The following APP variants were observed in gnomAD, a reference collection of about 807,000 sequenced individuals.
APP encodes amyloid beta precursor protein, also known as amyloid-beta precursor protein.
A neutral mutation model predicts 101.4 loss-of-function variants in APP; 31 were observed. That is an observed-to-expected ratio of 0.31 (90% CI 0.23 to 0.41). The LOEUF is 0.41. Ranked by LOEUF, APP falls within the 10% of genes least tolerant of loss-of-function variation. The pLI, the probability that APP is intolerant of heterozygous loss-of-function variation, is 1.00. For missense variants in APP, 839 were observed against 1,003.7 expected (o/e 0.84, Z 2.22); for synonymous variants, 366 against 364.4 (o/e 1.00, Z -0.05).
intron 6 of APP, among the ~76,000 whole-genome samples, chr21:26,014,568 C>A (rs906915004): frequency 1.3e-5 from 2 of 152,138 alleles, no homozygotes; most frequent in African/African-American, 2.4e-5. Context: ...GCCAAAATTC[C>A]TTCCTAGGCA....
chr21:26,027,513 C>T (rs1056603809), intron 5 of APP, among the ~76,000 whole-genome samples: 4 of 152,124 alleles, frequency 2.6e-5, no homozygotes, highest in African/African-American at 9.7e-5. Flanking sequence ...AAGAAATAGC[C>T]AGTACTTCTC....
intron 3 of APP, among the ~76,000 whole-genome samples, chr21:26,085,382 GTCATCATTC>G (rs1290344687): frequency 6.6e-6 from 1 of 152,066 alleles, no homozygotes; most frequent in Non-Finnish European, 1.5e-5. Flanking sequence ...GAATGATGAA[GTCATCATTC>G]TCATCACAGT....
chr21:25,912,092 T>A (rs1569045160), intron 13 of APP, 130 bp from the exon 14 acceptor site: 1 of 742,152 alleles, frequency 1.3e-6, no homozygotes, highest in Non-Finnish European at 2.4e-6. Context: ...TTTAGAGCCA[T>A]GACATAGGTA....
At chr21:26,047,945 T>G (rs2045677923) in intron 5 of APP, among the ~76,000 whole-genome samples, 1 of 152,240 alleles carries the variant, frequency 6.6e-6, no homozygotes, top group Non-Finnish European at 1.5e-5. Flanking sequence ...ATATTTCAGA[T>G]ATACTGGATT....
chr21:26,005,179 C>T (rs369293538), intron 6 of APP, among the ~76,000 whole-genome samples: 1 of 152,000 alleles, frequency 6.6e-6, no homozygotes, highest in Non-Finnish European at 1.5e-5. Flanking sequence ...TTTGGGAGGC[C>T]GAGGTGGGCA....
At chr21:25,956,166 AATCCC>A (rs1426429150) in intron 11 of APP, among the ~76,000 whole-genome samples, 1 of 152,248 alleles carries the variant, frequency 6.6e-6, no homozygotes, top group Non-Finnish European at 1.5e-5. Flanking sequence ...TCACACAGAT[AATCCC>A]ATCACCAGTA....
chr21:25,995,079 A>C (rs1013139795), intron 8 of APP, among the ~76,000 whole-genome samples: 2 of 151,610 alleles, frequency 1.3e-5, no homozygotes, highest in Non-Finnish European at 2.9e-5. Flanking sequence ...AGAAAATTAC[A>C]AAAGAGACTT....
At chr21:26,039,686 A>G (rs2045284980) in intron 5 of APP, among the ~76,000 whole-genome samples, 1 of 152,234 alleles carries the variant, frequency 6.6e-6, no homozygotes, top group South Asian at 2.1e-4. Context: ...AACATTCATC[A>G]GTTGCACCTT....
intron 1 of APP, among the ~76,000 whole-genome samples, chr21:26,164,105 C>T (rs1045645131): frequency 2.6e-5 from 4 of 152,248 alleles, no homozygotes; most frequent in African/African-American, 9.6e-5. Flanking sequence ...ATTAGCTGGG[C>T]ATAGTGGCAC....
At chr21:26,029,201 C>A (rs2044712386) in intron 5 of APP, among the ~76,000 whole-genome samples, 1 of 152,164 alleles carries the variant, frequency 6.6e-6, no homozygotes, top group Admixed American at 6.5e-5. Context: ...ACATTTCTTA[C>A]AGCAACTGGA....
At chr21:26,004,146 C>T (rs2043410012) in intron 6 of APP, among the ~76,000 whole-genome samples, 1 of 152,164 alleles carries the variant, frequency 6.6e-6, no homozygotes, top group South Asian at 2.1e-4. Flanking sequence ...TGGCCAGTGC[C>T]TCTCAGAAGT....
chr21:26,095,997 T>C (rs1295966687), intron 2 of APP, among the ~76,000 whole-genome samples: 1 of 152,214 alleles, frequency 6.6e-6, no homozygotes. Flanking sequence ...CTCTGTCAGC[T>C]AGTAGAAAAA....
At chr21:25,884,738 A>G (rs1329229401) in intron 17 of APP, among the ~76,000 whole-genome samples, 1 of 152,206 alleles carries the variant, frequency 6.6e-6, no homozygotes, top group African/African-American at 2.4e-5. Flanking sequence ...CAAAGCTGCT[A>G]TGTTTCTGAT....
At chr21:26,145,648 T>A (rs1569030087) in intron 1 of APP, among the ~76,000 whole-genome samples, 1 of 152,180 alleles carries the variant, frequency 6.6e-6, no homozygotes, top group Non-Finnish European at 1.5e-5. Context: ...CAAAAGGTGA[T>A]AATATACAAA....
At chr21:26,143,567 T>C (rs1230088695) in intron 1 of APP, among the ~76,000 whole-genome samples, 1 of 152,240 alleles carries the variant, frequency 6.6e-6, no homozygotes, top group Non-Finnish European at 1.5e-5. Context: ...TTGTTCTGTG[T>C]GGTAAGAATA....
chr21:26,145,766 C>G (rs1165744126), intron 1 of APP, among the ~76,000 whole-genome samples: 1 of 146,554 alleles, frequency 6.8e-6, no homozygotes, highest in African/African-American at 2.7e-5. Context: ...TATAAATTTT[C>G]TGTTTTTTAT....
Position 26,031,075 on chromosome 21 carries a change from G to C in APP, c.663-9033C>G, listed in dbSNP as rs11909527. ...GAAAATGAAAGCAGCAAAGCTAGGG[G>C]TGGGCTGGGGCTGGTAGTTGGCCGG... On this transcript the variant is annotated intron_variant, in intron 5 of 17. Transcript: ENST00000346798. Among the ~76,000 whole-genome samples, 8 of 152,194 alleles carry C rather than the reference G, an allele frequency of 5.3e-5. No individual in the cohort carries two copies. In the East Asian group the frequency reaches 1.5e-3, roughly 29 times the overall value.
intron 1 of APP, among the ~76,000 whole-genome samples, chr21:26,155,711 T>C (rs2063361009): frequency 2.0e-5 from 3 of 152,060 alleles, no homozygotes; most frequent in African/African-American, 7.2e-5. Context: ...ATAATTGATA[T>C]CTGGCTGGGC....
intron 1 of APP, among the ~76,000 whole-genome samples, chr21:26,167,887 T>C (rs1193825418): frequency 6.6e-6 from 1 of 152,164 alleles, no homozygotes; most frequent in Non-Finnish European, 1.5e-5. Flanking sequence ...TGGTTTCTCA[T>C]CGATTAGCAA....
Sources: gnomAD v4.1 joint callset for allele counts (sites outside exome capture counted in the v4.1 genomes callset) on GRCh38, gnomAD v4.1.1 for gene constraint, MANE v1.5 for transcripts, NCBI Gene and HGNC (gene_info 2026-07-23, HGNC 2026-07-21) for gene names.